Variants in LRBA observed in about 807,000 individuals in gnomAD.
The protein encoded by LRBA is LPS responsive beige-like anchor protein.
Under a neutral mutation model 330.0 loss-of-function variants are expected in LRBA, and 176 were observed. That is an observed-to-expected ratio of 0.53 (90% CI 0.47 to 0.60). The LOEUF is 0.60. Ranked by LOEUF, LRBA falls within the 20% of genes least tolerant of loss-of-function variation. The pLI is 0.00. For missense variants in LRBA, 3,259 were observed against 3,444.8 expected, an observed-to-expected ratio of 0.95 and a Z score of 1.35; for synonymous variants, 1,230 against 1,193.0, an observed-to-expected ratio of 1.03 and a Z score of -0.64.
At chr4:150,581,350 T>C (rs982930642) in intron 40 of LRBA, 3 of 444,858 alleles carry the variant, frequency 6.7e-6, no homozygotes, top group African/African-American at 4.0e-5. Context: ...CTGGTGCACA[T>C]ATACAGCAAC....
chr4:150,639,759 ATATATATATATATATATATATATG>A (rs1778357338), intron 37 of LRBA, among the ~76,000 whole-genome samples: 4 of 11,788 alleles, frequency 3.4e-4, no homozygotes, highest in African/African-American at 9.8e-4. Context: ...ATATATATAT[ATATATATATATATATATATATATG>A]TGTGTGTGTA....
intron 2 of LRBA, among the ~76,000 whole-genome samples, chr4:150,955,750 G>A (rs917143359): frequency 6.7e-6 from 1 of 148,420 alleles, no homozygotes; most frequent in Non-Finnish European, 1.5e-5. Flanking sequence ...AAATTACCCA[G>A]GTGGGGTGGT....
chr4:150,802,178 C>A (rs1299410534), intron 33 of LRBA, among the ~76,000 whole-genome samples: 1 of 148,908 alleles, frequency 6.7e-6, no homozygotes, highest in East Asian at 2.0e-4. Context: ...CATGATCACA[C>A]CATTGCACTC....
intron 30 of LRBA, among the ~76,000 whole-genome samples, chr4:150,820,410 A>G (rs1745253783): frequency 6.6e-6 from 1 of 152,006 alleles, no homozygotes; most frequent in Admixed American, 6.6e-5. Context: ...CCACAATCAT[A>G]TTAACATTTA....
intron 40 of LRBA, among the ~76,000 whole-genome samples, chr4:150,528,659 C>T (rs1025439453): frequency 6.6e-5 from 10 of 151,686 alleles, no homozygotes; most frequent in African/African-American, 2.2e-4. Context: ...AGTCAAGGAA[C>T]GAGGTAGAGG....
At chr4:150,600,043 A>G (rs1041163234) in intron 37 of LRBA, among the ~76,000 whole-genome samples, 1 of 152,098 alleles carries the variant, frequency 6.6e-6, no homozygotes, top group African/African-American at 2.4e-5. Flanking sequence ...TTTATATGGC[A>G]ATATATAAAT....
chr4:150,852,098 G>A lies in LRBA; in HGVS notation c.3612C>T (p.Asp1204=), dbSNP rs762164837. 9 of 1,614,074 alleles carry A rather than the reference G, an allele frequency of 5.6e-6. No homozygotes were observed. Among genetic ancestry groups the A allele is most frequent in the African/African-American group, 1.3e-5 (1 of 75,038 alleles). The change falls in exon 23 of 57, where the codon GAC becomes GAT. Residue 1204 remains aspartate (D), a synonymous_variant. Coordinates refer to ENST00000651943, the MANE Select transcript of LRBA (RefSeq NM_001364905.1). ...TTVSQIAVES[D]LGQMLEEGKK... is the part of the protein sequence containing the mutation. ...TCCCTTCCTCCAGCATCTGACCAAGGTCTGATTCTACAGCTATTTGGGAAA... is the reference window on the plus strand; with the variant it reads ...TCCCTTCCTCCAGCATCTGACCAAGATCTGATTCTACAGCTATTTGGGAAA...
intron 8 of LRBA, among the ~76,000 whole-genome samples, chr4:150,915,374 T>C (rs1335076672): frequency 2.6e-5 from 4 of 152,180 alleles, no homozygotes; most frequent in Admixed American, 1.3e-4. Flanking sequence ...TCCCCAGATA[T>C]AGCCACTGTT....
chr4:150,900,802 TTTAATCA>T (rs1730634191), intron 13 of LRBA, among the ~76,000 whole-genome samples: 1 of 152,178 alleles, frequency 6.6e-6, no homozygotes, highest in Non-Finnish European at 1.5e-5. Flanking sequence ...AATCTAGCAT[TTTAATCA>T]TAACATTATA....
At chr4:150,349,926 T>C in intron 48 of LRBA, 66 bp downstream of exon 48, 2 of 1,408,358 alleles carry the variant, frequency 1.4e-6, no homozygotes, top group South Asian at 2.4e-5. Context: ...GGGGGAGGTG[T>C]TCTCTAGCTC....
intron 35 of LRBA, among the ~76,000 whole-genome samples, chr4:150,759,063 C>T (rs531767875): frequency 2.6e-5 from 4 of 151,806 alleles, no homozygotes; most frequent in South Asian, 2.1e-4. Context: ...ACTATAGGCA[C>T]CTGCCACTAT....
At chr4:150,892,534 G>A (rs930835573) in intron 17 of LRBA, among the ~76,000 whole-genome samples, 2 of 152,192 alleles carry the variant, frequency 1.3e-5, no homozygotes, top group African/African-American at 2.4e-5. Flanking sequence ...ACACCAACCC[G>A]ACTGGCATCT....
At chr4:150,582,678 T>C (rs534053913) in intron 40 of LRBA, 13 of 211,414 alleles carry the variant, frequency 6.1e-5, no homozygotes, top group Admixed American at 3.1e-4. Context: ...TCCTGAGTTT[T>C]TTCCCTCTCC....
At chr4:150,592,140 T>G (rs1772928681) in intron 38 of LRBA, among the ~76,000 whole-genome samples, 1 of 115,396 alleles carries the variant, frequency 8.7e-6, no homozygotes, top group Non-Finnish European at 1.8e-5. Flanking sequence ...ATCGGATGGC[T>G]AGGGTTTTTT....
chr4:150,923,393 C>T (rs1205149207), intron 4 of LRBA, among the ~76,000 whole-genome samples: 1 of 152,072 alleles, frequency 6.6e-6, no homozygotes, highest in Non-Finnish European at 1.5e-5. Context: ...CTCAAAAGGA[C>T]CCCTGTACTC....
In LRBA at chr4:150,302,605, A is replaced by T. The variant is rs536351892; in HGVS notation, c.8017+20T>A. The T allele has an allele frequency of 2.5e-5, 39 of 1,574,318 alleles. No homozygotes were observed. The South Asian group carries it at 4.5e-4, about 18-fold the overall frequency. On this transcript the variant is annotated intron_variant, in intron 53 of 56. Coordinates refer to ENST00000651943, the MANE Select transcript of LRBA (RefSeq NM_001364905.1). ...TCTACATCCTTGTAAAAGTTTACTT[A>T]AAAAATGAGTCATACTTACTGCCTG...
At chr4:150,292,065 A>T (rs1401376426) in intron 53 of LRBA, among the ~76,000 whole-genome samples, 1 of 152,226 alleles carries the variant, frequency 6.6e-6, no homozygotes, top group African/African-American at 2.4e-5. Context: ...TTTTAACACC[A>T]CTTGGCAGAA....
Position 150,897,823 on chromosome 4 carries a change from T to TA in LRBA, c.1925-6dup. 2.5e-6 allele frequency: 4 copies of TA among 1,591,530 alleles called. No individual in the cohort carries two copies. The highest frequency in any genetic ancestry group is 2.6e-6 in the Non-Finnish European group (3 of 1,160,998). ...TTTGATTAGGTCGCGGTCCATCTTT[T>TA]AAAAAAATATACACATACACATTTA... On this transcript the variant is annotated splice_region_variant and splice_polypyrimidine_tract_variant and intron_variant, in intron 14 of 56. Transcript: ENST00000651943.
Position 150,588,335 on chromosome 4 carries a change from C to A in LRBA, c.6194-151G>T, listed in dbSNP as rs543888112. On this transcript the variant is annotated intron_variant, in intron 39 of 56. Coordinates refer to ENST00000651943, the MANE Select transcript of LRBA (RefSeq NM_001364905.1). ...CTACAGTTAAATATTCTGTCCACCC[C>A]AAATCTTCCTCTGAAAATGCAAAGT... 7.5e-6 allele frequency: 5 copies of A among 666,014 alleles called. No homozygotes were observed. In the South Asian group the frequency reaches 1.8e-4, roughly 24 times the overall value. The allele number at this position is 666,014 out of a possible 1,614,324, so 41.3% of individuals were successfully genotyped here.
Sources: allele counts gnomAD v4.1 joint callset (sites outside exome capture counted in the v4.1 genomes callset), GRCh38; gene constraint gnomAD v4.1.1; transcripts MANE v1.5; gene names NCBI Gene and HGNC (gene_info 2026-07-23, HGNC 2026-07-21).